NEXMIF: variants seen among roughly 807,000 people sequenced by gnomAD.
NEXMIF encodes the protein XLMR protein related to neurite extension.
In NEXMIF, 8 loss-of-function variants were observed where a neutral mutation model predicts 62.1. The ratio of observed to expected loss-of-function variants is 0.13; its 90% CI spans 0.08 to 0.23. The LOEUF (loss-of-function observed/expected upper bound fraction) is 0.23. NEXMIF is among the 10% of genes least tolerant of loss of function. NEXMIF has a pLI of 1.00. For missense variants in NEXMIF, 976 were observed against 1,113.3 expected, an observed-to-expected ratio of 0.88 and a Z score of 1.75; for synonymous variants, 404 against 416.6, an observed-to-expected ratio of 0.97 and a Z score of 0.37.
At chrX:74,825,876 C>A (rs1035071245) in intron 1 of NEXMIF, among the ~76,000 whole-genome samples, 2 of 112,556 alleles carry the variant, frequency 1.8e-5, no homozygotes, top group East Asian at 5.6e-4. Context: ...TTTATGGCTG[C>A]ATATAGTGTA....
At chrX:74,787,199 C>T (rs1016149027) in intron 1 of NEXMIF, among the ~76,000 whole-genome samples, 1 of 106,631 alleles carries the variant, frequency 9.4e-6, no homozygotes, top group African/African-American at 3.4e-5. Flanking sequence ...AGGAGAATGG[C>T]GTGAACCCAG....
rs768189291 is a variant in NEXMIF, at chrX:74,873,440, A to G, written c.-48+51443T>C. ...AGTCTTTGCTATTGTGAATAATGCC[A>G]CAATAAACATACGTGTGCAAGTGTC... On this transcript the variant is annotated intron_variant, in intron 1 of 3. Transcript: ENST00000055682. Among the ~76,000 whole-genome samples, 381 of 111,943 alleles carry G rather than the reference A, an allele frequency of 3.4e-3. 2 individuals carry two copies. Among genetic ancestry groups the G allele is most frequent in the African/African-American group, 0.012 (361 of 30,853 alleles).
chrX:74,771,409 T>A (rs947814259), intron 1 of NEXMIF, among the ~76,000 whole-genome samples: 1 of 110,938 alleles, frequency 9.0e-6, no homozygotes, highest in Non-Finnish European at 1.9e-5. Context: ...ACCTTAGGGA[T>A]ATTGTCTAAA....
intron 1 of NEXMIF, among the ~76,000 whole-genome samples, chrX:74,817,187 G>T (rs1399858788): frequency 1.8e-5 from 2 of 111,653 alleles, no homozygotes; most frequent in African/African-American, 3.3e-5. Flanking sequence ...AAGCTAAACA[G>T]AAATTCAATT....
At position 74,816,508 on chromosome X, in the gene NEXMIF, C is replaced by T. The variant is rs893474418; in HGVS notation, c.-47-70811G>A. On this transcript the variant is annotated intron_variant, in intron 1 of 3. Coordinates refer to ENST00000055682, the MANE Select transcript of NEXMIF (RefSeq NM_001008537.3). Reference sequence around the variant, plus strand: ...TTTATAGATTGAAAAAGATGAGTTGCTTCTTTTTTAATTCTTAAGTGATTT... The same window carrying T: ...TTTATAGATTGAAAAAGATGAGTTGTTTCTTTTTTAATTCTTAAGTGATTT... Among the ~76,000 whole-genome samples the T allele has an allele frequency of 4.2e-4, 47 of 111,755 alleles. No individual in the cohort carries two copies. The Admixed American group carries it at 4.3e-3, about 10-fold the overall frequency.
chrX:74,876,529 C>A (rs1252776486), intron 1 of NEXMIF, among the ~76,000 whole-genome samples: 1 of 107,527 alleles, frequency 9.3e-6, no homozygotes, highest in Admixed American at 1.0e-4. Context: ...GAGCTGAGTT[C>A]AATTCCTGGG....
intron 1 of NEXMIF, among the ~76,000 whole-genome samples, chrX:74,751,623 C>CCCGCCCTTCCTTCCTT (rs2080142988): frequency 2.3e-5 from 2 of 87,316 alleles, no homozygotes; most frequent in East Asian, 1.3e-3. Context: ...TACCATCACG[C>CCCGCCCTTCCTTCCTT]CCTTCCTTCC....
Position 74,873,005 on chromosome X carries a change from T to A in NEXMIF, c.-48+51878A>T, listed in dbSNP as rs184019396. Among the ~76,000 whole-genome samples the A allele has an allele frequency of 3.5e-3, 386 of 109,889 alleles. 1 individual carries two copies. The highest frequency in any genetic ancestry group is 0.01 in the African/African-American group (312 of 30,194). ...TTTTAATTAATTAATTTATTATTATTATACTTTAAGTTTTAGGATACATGT... is the reference window on the plus strand; with the variant it reads ...TTTTAATTAATTAATTTATTATTATAATACTTTAAGTTTTAGGATACATGT... On this transcript the variant is annotated intron_variant, in intron 1 of 3. Transcript: ENST00000055682.
At chrX:74,826,261 A>C (rs1355212385) in intron 1 of NEXMIF, among the ~76,000 whole-genome samples, 1 of 112,074 alleles carries the variant, frequency 8.9e-6, no homozygotes, top group Admixed American at 9.4e-5. Context: ...ACATTTCTCT[A>C]TCAGTGATAT....
intron 1 of NEXMIF, among the ~76,000 whole-genome samples, chrX:74,851,029 GAAAC>G (rs1187325034): frequency 5.5e-5 from 6 of 108,110 alleles, no homozygotes; most frequent in African/African-American, 1.7e-4. Context: ...ATTAAAAAAA[GAAAC>G]AAACAGAAAT....
chrX:74,837,538 T>C (rs1250332978), intron 1 of NEXMIF, among the ~76,000 whole-genome samples: 1 of 112,276 alleles, frequency 8.9e-6, no homozygotes, highest in Non-Finnish European at 1.9e-5. Context: ...TTTGTCACAT[T>C]TTACAATTCA....
intron 1 of NEXMIF, among the ~76,000 whole-genome samples, chrX:74,893,096 C>T (rs765155724): frequency 2.7e-5 from 3 of 112,191 alleles, no homozygotes; most frequent in Admixed American, 1.9e-4. Flanking sequence ...TTTCCTCCTA[C>T]ATGCCTACAC....
chrX:74,880,064 A>G (rs988897231), intron 1 of NEXMIF, among the ~76,000 whole-genome samples: 1 of 112,221 alleles, frequency 8.9e-6, no homozygotes, highest in African/African-American at 3.2e-5. Context: ...CACATTTGCT[A>G]ATGGCTGCCA....
intron 1 of NEXMIF, among the ~76,000 whole-genome samples, chrX:74,880,754 A>G (rs6647074): frequency 0.24 from 27,218 of 111,244 alleles, 4,037 homozygotes; most frequent in East Asian, 0.93. Flanking sequence ...AATTGGAGCC[A>G]AAATACAAAA....
intron 1 of NEXMIF, among the ~76,000 whole-genome samples, chrX:74,890,666 C>T (rs1454276044): frequency 9.0e-6 from 1 of 111,704 alleles, no homozygotes; most frequent in Non-Finnish European, 1.9e-5. Context: ...TCCATGGCTA[C>T]GCTTGGGCAT....
chrX:74,796,203 T>TATATATATATATATATAC (rs2080308699), intron 1 of NEXMIF, among the ~76,000 whole-genome samples: 1 of 23,318 alleles, frequency 4.3e-5, no homozygotes, highest in Non-Finnish European at 1.7e-4. Context: ...TATATATACA[T>TATATATATATATATATAC]ATATATTATA....
At chrX:74,753,282 AG>A (rs2147446188) in intron 1 of NEXMIF, among the ~76,000 whole-genome samples, 1 of 112,101 alleles carries the variant, frequency 8.9e-6, no homozygotes, top group South Asian at 3.7e-4. Flanking sequence ...GGATCTTGGA[AG>A]ATAGTCTCAT....
rs191381105 is a variant in NEXMIF at position 74,748,838 on chromosome X, T to C, written c.-47-3141A>G. Among the ~76,000 whole-genome samples, 372 of 111,776 alleles carry C rather than the reference T, an allele frequency of 3.3e-3. 2 individuals are homozygous for C. Among genetic ancestry groups the C allele is most frequent in the African/African-American group, 0.012 (355 of 30,783 alleles). On this transcript the variant is annotated intron_variant, in intron 1 of 3. Coordinates refer to ENST00000055682, the MANE Select transcript of NEXMIF (RefSeq NM_001008537.3). ...ACCAACATTTGTGTTGAGGATGTCCTTGGCTTTTCCCAACTGGTGAAAAAA... is the reference window on the plus strand; with the variant it reads ...ACCAACATTTGTGTTGAGGATGTCCCTGGCTTTTCCCAACTGGTGAAAAAA...
At chrX:74,843,657 G>A (rs763701375) in intron 1 of NEXMIF, among the ~76,000 whole-genome samples, 3 of 107,951 alleles carry the variant, frequency 2.8e-5, no homozygotes, top group East Asian at 3.0e-4. Context: ...CTCGTGATCC[G>A]CCTGCCTCAG....
Sources: gnomAD v4.1 joint callset for allele counts (sites outside exome capture counted in the v4.1 genomes callset) on GRCh38, gnomAD v4.1.1 for gene constraint, MANE v1.5 for transcripts, NCBI Gene and HGNC (gene_info 2026-07-23, HGNC 2026-07-21) for gene names.